The following RTL4 variants were observed in gnomAD, a reference collection of about 807,000 sequenced individuals.
RTL4 encodes the protein retrotransposon Gag like 4.
RTL4 carries 4 observed loss-of-function variants against 5.3 expected under a neutral mutation model. The ratio of observed to expected loss-of-function variants is 0.75; its 90% confidence interval spans 0.37 to 1.72. The LOEUF (loss-of-function observed/expected upper bound fraction) is 1.72. RTL4 is among the 40% of genes most tolerant of loss of function. The probability of loss-of-function intolerance (pLI) is 0.04; values close to 1 mark genes in which losing one functional copy is unlikely to be tolerated. For missense variants in RTL4, 260 were observed against 227.1 expected (o/e 1.14, Z -0.93); for synonymous variants, 98 against 87.3 (o/e 1.12, Z -0.68).
the RTL4 span, among the ~76,000 whole-genome samples, chrX:112,332,955 C>T: frequency 9.0e-6 from 1 of 110,560 alleles, no homozygotes; most frequent in Non-Finnish European, 1.9e-5. Flanking sequence ...ATTGTTACAT[C>T]TCATTTGTTG....
chrX:112,247,196 C>T, the RTL4 span, among the ~76,000 whole-genome samples: 1 of 111,843 alleles, frequency 8.9e-6, no homozygotes, highest in African/African-American at 3.2e-5. Flanking sequence ...ATACATATTA[C>T]TAATTACTTG....
At chrX:112,324,447 G>A in the RTL4 span, among the ~76,000 whole-genome samples, 7 of 111,075 alleles carry the variant, frequency 6.3e-5, no homozygotes, top group African/African-American at 2.3e-4. Context: ...TTTTTGCTAC[G>A]TTTCTTCCAG....
chrX:112,275,186 C>CTTT, the RTL4 span, among the ~76,000 whole-genome samples: 603 of 96,953 alleles, frequency 6.2e-3, 3 homozygotes, highest in African/African-American at 0.021. Flanking sequence ...TTCTTTCTTG[C>CTTT]TTTTTTTTTT....
chrX:112,310,915 A>G, the RTL4 span, among the ~76,000 whole-genome samples: 7 of 99,046 alleles, frequency 7.1e-5, no homozygotes, highest in Non-Finnish European at 1.4e-4. Context: ...ATGTATATAT[A>G]AAACAGGAGA....
the RTL4 span, among the ~76,000 whole-genome samples, chrX:112,375,459 T>A: frequency 2.5e-3 from 278 of 111,419 alleles, no homozygotes; most frequent in Non-Finnish European, 3.5e-3. Context: ...GAACTGGGCC[T>A]CTTTGATAGC....
At chrX:112,417,236 C>T in the RTL4 span, among the ~76,000 whole-genome samples, 4 of 111,363 alleles carry the variant, frequency 3.6e-5, no homozygotes, top group African/African-American at 1.3e-4. Context: ...GAAGATGGAC[C>T]AGTATGAAGA....
the RTL4 span, among the ~76,000 whole-genome samples, chrX:112,405,365 G>T: frequency 1.8e-5 from 2 of 111,732 alleles, no homozygotes; most frequent in African/African-American, 6.5e-5. Context: ...AACACATAAA[G>T]GTGTCTAAAG....
chrX:112,326,243 G>A, the RTL4 span, among the ~76,000 whole-genome samples: 4 of 111,507 alleles, frequency 3.6e-5, no homozygotes, highest in African/African-American at 9.8e-5. Context: ...CTGAGGTGCC[G>A]GGTTCATCTC....
At chrX:112,324,446 C>T in the RTL4 span, among the ~76,000 whole-genome samples, 5 of 111,523 alleles carry the variant, frequency 4.5e-5, no homozygotes, top group Non-Finnish European at 9.4e-5. Flanking sequence ...TTTTTTGCTA[C>T]GTTTCTTCCA....
the RTL4 span, among the ~76,000 whole-genome samples, chrX:112,197,425 A>G: frequency 1.9e-5 from 2 of 103,230 alleles, no homozygotes; most frequent in Admixed American, 1.1e-4. Context: ...TGGCGGATGG[A>G]CCACCTCATT....
At chrX:112,305,577 T>C in the RTL4 span, among the ~76,000 whole-genome samples, 1 of 110,368 alleles carries the variant, frequency 9.1e-6, no homozygotes, top group South Asian at 3.8e-4. Flanking sequence ...TTGGGCAGGA[T>C]GGTGTCGAAC....
the RTL4 span, among the ~76,000 whole-genome samples, chrX:112,396,216 T>A: frequency 9.0e-6 from 1 of 111,037 alleles, no homozygotes; most frequent in Admixed American, 9.6e-5. Flanking sequence ...TTTTACTTTC[T>A]GCTGTGAGTT....
chrX:112,225,320 AGAG>A, the RTL4 span, among the ~76,000 whole-genome samples: 1 of 111,814 alleles, frequency 8.9e-6, no homozygotes, highest in Non-Finnish European at 1.9e-5. Context: ...CAAGATTTGG[AGAG>A]GAGGATGGCT....
At chrX:112,233,251 C>G in the RTL4 span, among the ~76,000 whole-genome samples, 2 of 112,262 alleles carry the variant, frequency 1.8e-5, no homozygotes, top group African/African-American at 6.5e-5. Context: ...AAGAAAACAA[C>G]TAACATCCAT....
At chrX:112,304,150 C>T in the RTL4 span, among the ~76,000 whole-genome samples, 5,011 of 110,807 alleles carry the variant, frequency 0.045, 289 homozygotes, top group African/African-American at 0.16. Flanking sequence ...AGAGCACAAC[C>T]CCAGTCATGT....
the RTL4 span, among the ~76,000 whole-genome samples, chrX:112,227,237 C>T: frequency 9.0e-6 from 1 of 111,301 alleles, no homozygotes; most frequent in Non-Finnish European, 1.9e-5. Context: ...ACACCTCTTA[C>T]CTCACCTTCT....
chrX:112,304,369 G>C, the RTL4 span, among the ~76,000 whole-genome samples: 2 of 111,164 alleles, frequency 1.8e-5, no homozygotes, highest in Admixed American at 1.9e-4. Flanking sequence ...GTCCCCTAGG[G>C]TATTGCAAAG....
the RTL4 span, among the ~76,000 whole-genome samples, chrX:112,291,310 T>C: frequency 9.1e-6 from 1 of 109,536 alleles, no homozygotes; most frequent in South Asian, 4.1e-4. Flanking sequence ...TCTTATAATA[T>C]GCATTTTGCA....
At chrX:112,399,516 C>T in the RTL4 span, among the ~76,000 whole-genome samples, 1 of 111,567 alleles carries the variant, frequency 9.0e-6, no homozygotes, top group South Asian at 3.7e-4. Context: ...TATAGTGTGT[C>T]TTGATTTTGA....
Sources: gnomAD v4.1 joint callset for allele counts (sites outside exome capture counted in the v4.1 genomes callset) on GRCh38, gnomAD v4.1.1 for gene constraint, MANE v1.5 for transcripts, NCBI Gene and HGNC (gene_info 2026-07-23, HGNC 2026-07-21) for gene names.